CBL: variants seen among roughly 807,000 people sequenced by gnomAD.
CBL encodes the protein Cbl proto-oncogene.
In CBL, 45 loss-of-function variants were observed where a neutral mutation model predicts 96.9. That is an observed-to-expected ratio of 0.46 (90% CI 0.37 to 0.60). The LOEUF is 0.60. Among genes scored for constraint, CBL ranks in the 20% least tolerant of loss-of-function variants. CBL has a pLI of 0.00. For synonymous variants in CBL, 420 were observed against 426.8 expected (o/e 0.98, Z 0.20); for missense variants, 1,024 against 1,143.5 (o/e 0.90, Z 1.51).
At chr11:119,291,483 ATTGCCTGAACTCCGGGT>A (rs930831537) in intron 12 of CBL, among the ~76,000 whole-genome samples, 3 of 152,206 alleles carry the variant, frequency 2.0e-5, no homozygotes, top group African/African-American at 7.2e-5. Flanking sequence ...AGGCAAGCGG[ATTGCCTGAACTCCGGGT>A]TTGAGATCAG....
chr11:119,232,470 C>T lies in CBL; in HGVS notation c.218C>T (p.Pro73Leu), dbSNP rs1949511038. Residue 73 changes from proline (P) to leucine (L), a missense_variant, in exon 2 of 16, where the codon CCA becomes CTA. By Grantham distance (98) the Pro-to-Leu change is moderately conservative. Around this residue, in one of 4 missense-constraint regions of CBL, gnomAD observed 114 missense variants for 117.4 expected, o/e 0.97. Coordinates refer to ENST00000264033, the MANE Select transcript of CBL (RefSeq NM_005188.4). The part of the protein sequence containing the change: ...MDKVVRLCQN[P>L]KLALKNSPPY... ...CAGGTGGTGCGGTTGTGTCAGAACC[C>T]AAAGCTGGCGCTAAAGAATAGCCCA... 6.2e-7 allele frequency: 1 copy of T among 1,613,792 alleles called. No individual in the cohort carries two copies. Among genetic ancestry groups the T allele is most frequent in the African/African-American group, 1.3e-5 (1 of 74,916 alleles).
chr11:119,210,665 T>A (rs1291031213), intron 1 of CBL, among the ~76,000 whole-genome samples: 2 of 145,802 alleles, frequency 1.4e-5, no homozygotes, highest in Non-Finnish European at 3.0e-5. Flanking sequence ...GCCAGGCTGC[T>A]CTCGAACTCC....
chr11:119,253,058 G>A (rs1351985629), intron 2 of CBL, among the ~76,000 whole-genome samples: 2 of 152,114 alleles, frequency 1.3e-5, no homozygotes, highest in African/African-American at 2.4e-5. Flanking sequence ...GCAGTGAGAT[G>A]AAGGCAGTGT....
At chr11:119,288,153 G>A (rs1223997806) in intron 12 of CBL, among the ~76,000 whole-genome samples, 1 of 152,168 alleles carries the variant, frequency 6.6e-6, no homozygotes, top group Non-Finnish European at 1.5e-5. Context: ...GCTGGGGCCT[G>A]TCAATTTTAT....
intron 1 of CBL, among the ~76,000 whole-genome samples, chr11:119,226,799 T>C (rs57280253): frequency 0.015 from 2,300 of 152,326 alleles, 51 homozygotes; most frequent in African/African-American, 0.052. Context: ...TTCAATCTGG[T>C]CAAAGTACTA....
intron 2 of CBL, among the ~76,000 whole-genome samples, chr11:119,248,794 C>T (rs1238434990): frequency 6.6e-6 from 1 of 152,116 alleles, no homozygotes; most frequent in African/African-American, 2.4e-5. Context: ...AACAACAAAA[C>T]AAACCAATTC....
At chr11:119,284,214 T>C (rs1949962876) in intron 9 of CBL, among the ~76,000 whole-genome samples, 1 of 150,490 alleles carries the variant, frequency 6.6e-6, no homozygotes. Context: ...GTCATCGATC[T>C]CTTTCTTTAT....
chr11:119,213,334 A>G (rs1473165787), intron 1 of CBL, among the ~76,000 whole-genome samples: 1 of 152,194 alleles, frequency 6.6e-6, no homozygotes, highest in African/African-American at 2.4e-5. Context: ...TTGTGTACAC[A>G]AGCATAGTGG....
intron 1 of CBL, among the ~76,000 whole-genome samples, chr11:119,231,380 C>T (rs551566363): frequency 2.0e-5 from 3 of 152,092 alleles, no homozygotes; most frequent in Non-Finnish European, 4.4e-5. Flanking sequence ...GCACTCTAGC[C>T]TGGGCAAAAA....
intron 12 of CBL, among the ~76,000 whole-genome samples, chr11:119,295,028 G>A (rs1950054587): frequency 6.6e-6 from 1 of 152,154 alleles, no homozygotes; most frequent in Admixed American, 6.5e-5. Flanking sequence ...ATACATCAGT[G>A]TAACTAAAGT....
intron 2 of CBL, among the ~76,000 whole-genome samples, chr11:119,252,574 G>A (rs967181714): frequency 2.0e-5 from 3 of 152,128 alleles, no homozygotes; most frequent in African/African-American, 7.2e-5. Flanking sequence ...ACTAGATTGA[G>A]GCCAGGTGCG....
At chr11:119,255,805 T>A (rs951469247) in intron 2 of CBL, among the ~76,000 whole-genome samples, 1 of 152,172 alleles carries the variant, frequency 6.6e-6, no homozygotes, top group African/African-American at 2.4e-5. Context: ...TATGTCTATA[T>A]ATGAATGATG....
rs1055050113 is a variant in CBL, at chr11:119,306,536, T to A, written c.*6755T>A. On this transcript the variant is annotated 3_prime_UTR_variant, in exon 16 of 16. Coordinates refer to ENST00000264033, the MANE Select transcript of CBL (RefSeq NM_005188.4). ...CTCCATGCTGAGCCCTGAAGCAGGG[T>A]GTCCTGGGTGCCTGTGTGTCAGCTC... 7.6e-6 allele frequency: 3 copies of A among 396,022 alleles called. No individual in the cohort carries two copies. The highest frequency in any genetic ancestry group is 1.3e-5 in the Non-Finnish European group (3 of 224,856). The allele number at this position is 396,022 out of a possible 1,614,324, so 24.5% of individuals were successfully genotyped here.
intron 2 of CBL, among the ~76,000 whole-genome samples, chr11:119,241,483 A>C (rs1382300147): frequency 1.3e-5 from 2 of 152,228 alleles, no homozygotes; most frequent in African/African-American, 4.8e-5. Context: ...TGAATAGTAC[A>C]TAGTCCCTTC....
At chr11:119,280,481 G>A (rs1014448110) in intron 9 of CBL, among the ~76,000 whole-genome samples, 1 of 151,906 alleles carries the variant, frequency 6.6e-6, no homozygotes, top group Non-Finnish European at 1.5e-5. Flanking sequence ...ACTCTTGAAG[G>A]TATGGAAAAG....
intron 7 of CBL, 51 bp from the exon 8 acceptor site, chr11:119,278,115 A>G (rs1265570588): frequency 2.4e-5 from 33 of 1,398,726 alleles, no homozygotes; most frequent in Non-Finnish European, 3.1e-5. Flanking sequence ...TAACATTTAT[A>G]ATTGCAGTTA....
intron 2 of CBL, among the ~76,000 whole-genome samples, chr11:119,237,852 G>A (rs766888210): frequency 2.6e-5 from 4 of 151,910 alleles, no homozygotes; most frequent in Admixed American, 6.6e-5. Context: ...AGATTGTTTT[G>A]GCTGCTATTC....
chr11:119,215,946 C>T (rs1949356898), intron 1 of CBL, among the ~76,000 whole-genome samples: 1 of 152,238 alleles, frequency 6.6e-6, no homozygotes, highest in African/African-American at 2.4e-5. Flanking sequence ...ACCTGGAAGC[C>T]AGCGTCAGCT....
At chr11:119,282,797 T>C (rs1949947487) in intron 9 of CBL, among the ~76,000 whole-genome samples, 1 of 152,096 alleles carries the variant, frequency 6.6e-6, no homozygotes, top group Non-Finnish European at 1.5e-5. Flanking sequence ...TTTTAATAAA[T>C]CACGGCCACC....
Sources: gnomAD v4.1 joint callset for allele counts (sites outside exome capture counted in the v4.1 genomes callset) on GRCh38, gnomAD v4.1.1 for gene constraint, gnomAD v4.1.1 regional missense constraint, MANE v1.5 for transcripts, NCBI Gene and HGNC (gene_info 2026-07-23, HGNC 2026-07-21) for gene names.